Variants in CACNA2D1 observed in about 807,000 individuals in gnomAD.
CACNA2D1 encodes the protein calcium voltage-gated channel auxiliary subunit alpha2delta 1.
In CACNA2D1, 53 loss-of-function variants were observed where a neutral mutation model predicts 171.5. That is an observed-to-expected ratio of 0.31 (90% CI 0.25 to 0.39). CACNA2D1 has a LOEUF of 0.39. CACNA2D1 is among the 10% of genes least tolerant of loss of function. The pLI, the probability that CACNA2D1 is intolerant of heterozygous loss-of-function variation, is 1.00. For synonymous variants in CACNA2D1, 442 were observed against 443.1 expected (o/e 1.00, Z 0.03); for missense variants, 903 against 1,299.8 (o/e 0.69, Z 4.69).
Position 82,084,906 on chromosome 7 carries a change from A to C in CACNA2D1, c.527-6T>G, listed in dbSNP as rs762743091. 6.2e-7 allele frequency: 1 copy of C among 1,608,810 alleles called. No homozygotes were observed. Among genetic ancestry groups the C allele is most frequent in the Non-Finnish European group, 8.5e-7 (1 of 1,175,188 alleles). Reference sequence around the variant, plus strand: ...TTCATTTAACACAATTGTTGCTAACAAAAAAGAGAGAAACCATTAATTAAT... The same window carrying C: ...TTCATTTAACACAATTGTTGCTAACCAAAAAGAGAGAAACCATTAATTAAT... On this transcript the variant is annotated splice_polypyrimidine_tract_variant and splice_region_variant and intron_variant, in intron 6 of 38. Coordinates refer to ENST00000356860, the MANE Select transcript of CACNA2D1 (RefSeq NM_000722.4).
chr7:82,275,789 T>A (rs987962589), intron 3 of CACNA2D1, among the ~76,000 whole-genome samples: 1 of 152,172 alleles, frequency 6.6e-6, no homozygotes, highest in East Asian at 1.9e-4. Flanking sequence ...TAAATAATTG[T>A]TTTTAGATAT....
intron 1 of CACNA2D1, among the ~76,000 whole-genome samples, chr7:82,415,207 T>A (rs1213228003): frequency 6.6e-6 from 1 of 151,708 alleles, no homozygotes; most frequent in African/African-American, 2.4e-5. Context: ...CTAGAAAAAA[T>A]CCCTAGGCAT....
At chr7:82,120,513 G>A (rs1789591058) in intron 5 of CACNA2D1, among the ~76,000 whole-genome samples, 1 of 152,102 alleles carries the variant, frequency 6.6e-6, no homozygotes, top group African/African-American at 2.4e-5. Context: ...ATTTAAGGTG[G>A]ACTTTCATAC....
At chr7:81,955,972 ATATATATATTTTTTTTT>A (rs1300414567) in intron 38 of CACNA2D1, among the ~76,000 whole-genome samples, 2 of 70,196 alleles carry the variant, frequency 2.8e-5, no homozygotes, top group Non-Finnish European at 5.3e-5. Context: ...ATATATATAT[ATATATATATTTTTTTTT>A]TTTTTTTTTT....
At chr7:82,094,125 G>A (rs1337320480) in intron 6 of CACNA2D1, among the ~76,000 whole-genome samples, 3 of 152,166 alleles carry the variant, frequency 2.0e-5, no homozygotes, top group Non-Finnish European at 4.4e-5. Context: ...GCAAAGAGTT[G>A]CCTGGTGATT....
intron 38 of CACNA2D1, among the ~76,000 whole-genome samples, chr7:81,958,840 A>T (rs1793748389): frequency 6.6e-6 from 1 of 151,044 alleles, no homozygotes; most frequent in African/African-American, 2.4e-5. Context: ...ATGGCTGTAT[A>T]ACAGGTTTTT....
rs1275984810 is a variant in CACNA2D1 at position 82,408,449 on chromosome 7, T to C, written c.95+34916A>G. ...CAGTACACGAAACCTGACTTACTAATGTATGATACTTTGTATGACATCTGA... is the reference window on the plus strand; with the variant it reads ...CAGTACACGAAACCTGACTTACTAACGTATGATACTTTGTATGACATCTGA... On this transcript the variant is annotated intron_variant, in intron 1 of 38. Transcript: ENST00000356860. 3.3e-5 allele frequency among the ~76,000 whole-genome samples: 5 copies of C among 152,152 alleles called. No homozygotes were observed. The South Asian group carries it at 8.3e-4, about 25-fold the overall frequency.
chr7:82,224,500 T>C (rs1050947276), intron 3 of CACNA2D1, among the ~76,000 whole-genome samples: 3 of 152,188 alleles, frequency 2.0e-5, no homozygotes, highest in Middle Eastern at 6.8e-3. Context: ...GCAGAATTGC[T>C]TGAACCCAGG....
intron 12 of CACNA2D1, among the ~76,000 whole-genome samples, chr7:82,019,533 G>C (rs904776962): frequency 5.3e-5 from 8 of 152,250 alleles, no homozygotes; most frequent in African/African-American, 1.9e-4. Context: ...ATGTATTACT[G>C]ATTTGTTCCT....
intron 1 of CACNA2D1, among the ~76,000 whole-genome samples, chr7:82,374,494 C>T (rs1822781190): frequency 6.6e-6 from 1 of 152,158 alleles, no homozygotes; most frequent in Non-Finnish European, 1.5e-5. Flanking sequence ...CAGACAAACA[C>T]ATGCGCTCCT....
chr7:82,251,563 A>G (rs1275150502), intron 3 of CACNA2D1, among the ~76,000 whole-genome samples: 1 of 152,186 alleles, frequency 6.6e-6, no homozygotes, highest in Non-Finnish European at 1.5e-5. Context: ...TTGTAAAGCA[A>G]TTACTCCACT....
In CACNA2D1 at chr7:82,159,798, A is replaced by G. The variant is rs550131191; in HGVS notation, c.354+10752T>C. On this transcript the variant is annotated intron_variant, in intron 4 of 38. Transcript: ENST00000356860. ...GCATATGAAAAGGACATTATTAGTGACAGGCTTTAGGAAATCATGCAAAAT... is the reference window on the plus strand; with the variant it reads ...GCATATGAAAAGGACATTATTAGTGGCAGGCTTTAGGAAATCATGCAAAAT... 1.4e-4 allele frequency among the ~76,000 whole-genome samples: 21 copies of G among 148,982 alleles called. 1 individual carries two copies. The South Asian group carries it at 4.4e-3, about 31-fold the overall frequency.
At chr7:82,369,973 A>C (rs77418710) in intron 1 of CACNA2D1, among the ~76,000 whole-genome samples, 5,608 of 152,198 alleles carry the variant, frequency 0.037, 152 homozygotes, top group Middle Eastern at 0.075. Flanking sequence ...CATTTCAATA[A>C]ATGTCCCCCA....
intron 6 of CACNA2D1, among the ~76,000 whole-genome samples, chr7:82,103,604 T>C (rs895636606): frequency 1.3e-5 from 2 of 152,158 alleles, no homozygotes; most frequent in Admixed American, 6.5e-5. Context: ...TTTTTTATTA[T>C]TTGTACAAGT....
At chr7:82,131,248 T>A (rs920354683) in intron 5 of CACNA2D1, among the ~76,000 whole-genome samples, 1 of 152,210 alleles carries the variant, frequency 6.6e-6, no homozygotes, top group Non-Finnish European at 1.5e-5. Flanking sequence ...CAGCTAATCA[T>A]AGCAGCTGAG....
At position 81,964,060 on chromosome 7, in the gene CACNA2D1, C is replaced by A. The variant is rs768183773; in HGVS notation, c.2776G>T (p.Ala926Ser). The stretch of plus-strand genomic sequence containing the variant: ...AAAACTAAAATTTTGACTTACCAGG[C>A]AGCAGCAGTGGCCCACCAGCCAATT... ...LQIGWWATAA[A>S]WSILQQFLLS... Residue 926 changes from alanine (A) to serine (S), a missense_variant, in exon 34 of 39, where the codon GCC (alanine) becomes TCC (serine). By Grantham distance (99) the Ala-to-Ser change is moderately conservative. This residue lies in a region of CACNA2D1 where 623 missense variants were observed against 925.5 expected (regional missense o/e 0.67). Coordinates refer to ENST00000356860, the MANE Select transcript of CACNA2D1 (RefSeq NM_000722.4). 1 of 1,611,496 alleles carries A rather than the reference C, an allele frequency of 6.2e-7. No individual in the cohort carries two copies. The highest frequency in any genetic ancestry group is 1.1e-5 in the South Asian group (1 of 91,014).
chr7:82,038,248 A>C lies in CACNA2D1; in HGVS notation c.880-13T>G, dbSNP rs1184463555. 15 of 1,605,144 alleles carry C rather than the reference A, an allele frequency of 9.3e-6. No homozygotes were observed. Among genetic ancestry groups the C allele is most frequent in the Non-Finnish European group, 1.3e-5 (15 of 1,173,408 alleles). On this transcript the variant is annotated splice_polypyrimidine_tract_variant and intron_variant, in intron 10 of 38. Coordinates refer to ENST00000356860, the MANE Select transcript of CACNA2D1 (RefSeq NM_000722.4). ...CATTGCTGTTAAACTGCAAAAGATT[A>C]AAAAGTAAATATATAAATGAACATT...
At chr7:82,274,745 T>C (rs920615649) in intron 3 of CACNA2D1, among the ~76,000 whole-genome samples, 2 of 152,162 alleles carry the variant, frequency 1.3e-5, no homozygotes, top group Non-Finnish European at 2.9e-5. Flanking sequence ...AACACTAGAT[T>C]ACAAACTCTA....
chr7:81,972,501 T>C (rs1795383634), intron 25 of CACNA2D1, among the ~76,000 whole-genome samples: 1 of 151,700 alleles, frequency 6.6e-6, no homozygotes, highest in African/African-American at 2.4e-5. Flanking sequence ...CCCAAGAATG[T>C]TTTTGAAATC....
Sources: allele counts gnomAD v4.1 joint callset (sites outside exome capture counted in the v4.1 genomes callset), GRCh38; gene constraint gnomAD v4.1.1; regional missense constraint gnomAD v4.1.1; transcripts MANE v1.5; gene names NCBI Gene and HGNC (gene_info 2026-07-23, HGNC 2026-07-21).